Variants in GRIN2A observed in about 807,000 individuals in gnomAD.
GRIN2A encodes the protein glutamate receptor ionotropic, NMDA 2A.
GRIN2A carries 22 observed loss-of-function variants against 113.4 expected under a neutral mutation model. That is an observed-to-expected ratio of 0.19 (90% confidence interval 0.14 to 0.28). The LOEUF (loss-of-function observed/expected upper bound fraction) is 0.28. Ranked by LOEUF, GRIN2A falls within the 10% of genes least tolerant of loss-of-function variation. The probability of loss-of-function intolerance (pLI) is 1.00; values close to 1 mark genes in which losing one functional copy is unlikely to be tolerated. For synonymous variants in GRIN2A, 827 were observed against 738.4 expected (o/e 1.12, Z -1.94); for missense variants, 1,502 against 1,887.0 (o/e 0.80, Z 3.78).
chr16:9,880,022 A>G (rs976316559), intron 4 of GRIN2A, among the ~76,000 whole-genome samples: 1 of 152,152 alleles, frequency 6.6e-6, no homozygotes, highest in African/African-American at 2.4e-5. Context: ...AAACTTACCC[A>G]TTTGAAACAA....
chr16:9,823,034 G>A (rs769862943), intron 9 of GRIN2A, among the ~76,000 whole-genome samples: 1 of 152,108 alleles, frequency 6.6e-6, no homozygotes, highest in Non-Finnish European at 1.5e-5. Flanking sequence ...TGCATGGCAG[G>A]CTCCATGAAT....
At chr16:9,948,351 G>A (rs534150849) in intron 2 of GRIN2A, among the ~76,000 whole-genome samples, 1 of 152,322 alleles carries the variant, frequency 6.6e-6, no homozygotes, top group Non-Finnish European at 1.5e-5. Context: ...AACACAGCGG[G>A]TGGGGGCTGG....
intron 10 of GRIN2A, among the ~76,000 whole-genome samples, chr16:9,816,206 T>C (rs998932258): frequency 4.6e-5 from 7 of 152,194 alleles, no homozygotes; most frequent in Non-Finnish European, 1.0e-4. Flanking sequence ...TACCACACGA[T>C]GAATGCATTT....
intron 2 of GRIN2A, among the ~76,000 whole-genome samples, chr16:9,941,723 A>T (rs2044882130): frequency 6.6e-6 from 1 of 152,212 alleles, no homozygotes; most frequent in Admixed American, 6.5e-5. Flanking sequence ...CATCTATAAA[A>T]TGGGTGTGGC....
At chr16:9,893,985 CT>C (rs2043752861) in intron 3 of GRIN2A, among the ~76,000 whole-genome samples, 1 of 152,110 alleles carries the variant, frequency 6.6e-6, no homozygotes, top group South Asian at 2.1e-4. Context: ...TATAATGCCA[CT>C]TATTCACTGA....
At chr16:9,984,202 T>C (rs2045940641) in intron 2 of GRIN2A, among the ~76,000 whole-genome samples, 1 of 149,422 alleles carries the variant, frequency 6.7e-6, no homozygotes, top group Non-Finnish European at 1.5e-5. Context: ...AGATGTTTAT[T>C]TAACTCATTT....
chr16:10,173,536 C>T lies in GRIN2A; in HGVS notation c.414+6462G>A, dbSNP rs2050084235. 2.0e-5 allele frequency among the ~76,000 whole-genome samples: 3 copies of T among 152,326 alleles called. No homozygotes were observed. The South Asian group carries it at 6.2e-4, about 32-fold the overall frequency. ...AGGGAACAAACACTGCACGAATGCC[C>T]TGAACCATATTGTGATATGTTCATC... On this transcript the variant is annotated intron_variant, in intron 2 of 12. Transcript: ENST00000330684.
intron 2 of GRIN2A, among the ~76,000 whole-genome samples, chr16:9,991,596 C>A (rs774845475): frequency 2.0e-5 from 3 of 152,150 alleles, no homozygotes; most frequent in African/African-American, 7.2e-5. Context: ...ATGCCACCCT[C>A]TGTGTCCATG....
chr16:9,932,285 A>T (rs1357027165), intron 3 of GRIN2A, among the ~76,000 whole-genome samples: 1 of 148,570 alleles, frequency 6.7e-6, no homozygotes, highest in Non-Finnish European at 1.5e-5. Flanking sequence ...GTAAGACACC[A>T]AAGACATTTT....
chr16:9,934,972 TG>T (rs1409576999), intron 3 of GRIN2A, among the ~76,000 whole-genome samples: 1 of 152,044 alleles, frequency 6.6e-6, no homozygotes, highest in East Asian at 1.9e-4. Flanking sequence ...ATTGCTTCTC[TG>T]GGGCTGAAAT....
intron 10 of GRIN2A, among the ~76,000 whole-genome samples, chr16:9,820,490 T>C (rs774880031): frequency 6.6e-6 from 1 of 152,192 alleles, no homozygotes; most frequent in Non-Finnish European, 1.5e-5. Flanking sequence ...AAAGAAGCAT[T>C]ATTCATAATG....
At chr16:9,933,343 G>A (rs1367514151) in intron 3 of GRIN2A, among the ~76,000 whole-genome samples, 1 of 151,518 alleles carries the variant, frequency 6.6e-6, no homozygotes, top group Non-Finnish European at 1.5e-5. Flanking sequence ...AACTGCACCA[G>A]CTCTTTGCCT....
At chr16:9,943,148 CA>C (rs1320354094) in intron 2 of GRIN2A, 1 of 152,238 alleles carries the variant, frequency 6.6e-6, no homozygotes, top group Admixed American at 6.5e-5. Context: ...TGCCATGGCT[CA>C]GCCTGTATTT....
At chr16:9,941,623 TG>T (rs1350154376) in intron 2 of GRIN2A, among the ~76,000 whole-genome samples, 1 of 152,122 alleles carries the variant, frequency 6.6e-6, no homozygotes, top group African/African-American at 2.4e-5. Context: ...CTAGAACCTC[TG>T]GGGTTGGACT....
At chr16:9,918,800 C>G (rs1256525366) in intron 3 of GRIN2A, among the ~76,000 whole-genome samples, 1 of 141,496 alleles carries the variant, frequency 7.1e-6, no homozygotes, top group Admixed American at 7.4e-5. Context: ...AATTATGCAA[C>G]CAAAGTTCTT....
At position 10,007,670 on chromosome 16, in the gene GRIN2A, T is replaced by G. The variant is rs113014962; in HGVS notation, c.415-69119A>C. 7.4e-3 allele frequency among the ~76,000 whole-genome samples: 1,130 copies of G among 152,272 alleles called. 13 individuals carry two copies. Among genetic ancestry groups the G allele is most frequent in the African/African-American group, 0.026 (1,066 of 41,536 alleles). Reference sequence around the variant, plus strand: ...CCCATTTTGCTTTGGTTGCCTGTGCTGTCGGGGTCCACGTAAATTTTAATT... The same window carrying G: ...CCCATTTTGCTTTGGTTGCCTGTGCGGTCGGGGTCCACGTAAATTTTAATT... On this transcript the variant is annotated intron_variant, in intron 2 of 12. Transcript: ENST00000330684.
chr16:10,107,163 T>A (rs1307970679), intron 2 of GRIN2A, among the ~76,000 whole-genome samples: 2 of 152,198 alleles, frequency 1.3e-5, no homozygotes, highest in African/African-American at 4.8e-5. Flanking sequence ...ACTTCAATCC[T>A]AACCATACAC....
intron 2 of GRIN2A, among the ~76,000 whole-genome samples, chr16:10,151,642 T>C (rs757172031): frequency 6.6e-6 from 1 of 152,204 alleles, no homozygotes; most frequent in Non-Finnish European, 1.5e-5. Flanking sequence ...CATATCAGGC[T>C]GGAAAATTAA....
chr16:9,874,475 C>T (rs2043327048), intron 4 of GRIN2A, among the ~76,000 whole-genome samples: 1 of 152,150 alleles, frequency 6.6e-6, no homozygotes, highest in Non-Finnish European at 1.5e-5. Flanking sequence ...GAATCTTGTA[C>T]CTGTAATAGT....
Sources: allele counts gnomAD v4.1 joint callset (sites outside exome capture counted in the v4.1 genomes callset), GRCh38; gene constraint gnomAD v4.1.1; transcripts MANE v1.5; gene names NCBI Gene and HGNC (gene_info 2026-07-23, HGNC 2026-07-21).